PHF24: variants seen among roughly 807,000 people sequenced by gnomAD.
PHF24 encodes the protein PHD finger protein 24.
PHF24 carries 25 observed loss-of-function variants against 42.6 expected under a neutral mutation model. That is an observed-to-expected ratio of 0.59 (90% CI 0.43 to 0.82). PHF24 has a LOEUF of 0.82. PHF24 is among the 40% of genes least tolerant of loss of function. The pLI, the probability that PHF24 is intolerant of heterozygous loss-of-function variation, is 0.00. For synonymous variants in PHF24, 185 were observed against 204.8 expected (o/e 0.90, Z 0.83); for missense variants, 470 against 538.1 (o/e 0.87, Z 1.25).
chr9:34,922,695 G>T, the PHF24 span: 1 of 1,469,388 alleles, frequency 6.8e-7, no homozygotes, highest in Non-Finnish European at 9.4e-7. Flanking sequence ...GCCATCTGCT[G>T]TTTTTTTCTC....
the PHF24 span, among the ~76,000 whole-genome samples, chr9:34,686,268 C>G: frequency 6.6e-6 from 1 of 152,114 alleles, no homozygotes; most frequent in Non-Finnish European, 1.5e-5. Context: ...TCTGAGTTTC[C>G]CGTAGCCTAG....
At chr9:34,888,986 A>G in the PHF24 span, 55 of 397,868 alleles carry the variant, frequency 1.4e-4, no homozygotes, top group African/African-American at 8.8e-4. Flanking sequence ...TATACCACAT[A>G]AGAAGTACTT....
At chr9:34,764,330 G>C in the PHF24 span, among the ~76,000 whole-genome samples, 2 of 151,626 alleles carry the variant, frequency 1.3e-5, no homozygotes, top group Admixed American at 6.6e-5. Context: ...TCTGGTCCTG[G>C]ACTCTTTTTG....
At chr9:34,779,391 C>G in the PHF24 span, among the ~76,000 whole-genome samples, 1 of 152,120 alleles carries the variant, frequency 6.6e-6, no homozygotes, top group African/African-American at 2.4e-5. Flanking sequence ...TGTGTTTCTA[C>G]GTTGAGGATC....
intron 5 of PHF24, 109 bp downstream of exon 5, chr9:34,976,849 A>G: frequency 2.0e-6 from 2 of 1,024,708 alleles, no homozygotes; most frequent in South Asian, 3.1e-5. Context: ...AGGGACAAGT[A>G]TCAGGAATGG....
the PHF24 span, chr9:34,917,585 T>C: frequency 2.6e-6 from 2 of 775,376 alleles, no homozygotes; most frequent in South Asian, 2.7e-5. Flanking sequence ...GGAGCAGGAA[T>C]ATACCCTCAT....
chr9:34,851,002 G>T, the PHF24 span, among the ~76,000 whole-genome samples: 1 of 152,182 alleles, frequency 6.6e-6, no homozygotes, highest in African/African-American at 2.4e-5. Flanking sequence ...GTGTCAGTCT[G>T]CCCCTACTGG....
chr9:34,971,384 G>A (rs10972276), exon 2 of PHF24: 106 of 1,614,012 alleles, frequency 6.6e-5, no homozygotes, highest in Non-Finnish European at 7.6e-5. Flanking sequence ...GATGGGCTGC[G>A]GGACAGGCCT....
At chr9:34,859,245 A>G in the PHF24 span, among the ~76,000 whole-genome samples, 3 of 152,064 alleles carry the variant, frequency 2.0e-5, no homozygotes, top group Non-Finnish European at 2.9e-5. Context: ...GGCACTTGCT[A>G]CTTCTCTCCA....
chr9:34,971,674 C>T, exon 2 of PHF24: 1 of 1,605,748 alleles, frequency 6.2e-7, no homozygotes, highest in Non-Finnish European at 8.5e-7. Context: ...GCCCAGAGAG[C>T]CTGTGAGTAT....
chr9:34,767,821 G>A, the PHF24 span, among the ~76,000 whole-genome samples: 8 of 152,344 alleles, frequency 5.3e-5, no homozygotes, highest in Admixed American at 2.0e-4. Flanking sequence ...GCTGTAGACC[G>A]GAGCTGTTCC....
chr9:34,684,993 G>A, the PHF24 span, among the ~76,000 whole-genome samples: 2 of 152,132 alleles, frequency 1.3e-5, no homozygotes, highest in African/African-American at 4.8e-5. Flanking sequence ...TGTCCTTGCT[G>A]TTTTCCTCCA....
the PHF24 span, among the ~76,000 whole-genome samples, chr9:34,762,182 C>T: frequency 6.6e-6 from 1 of 152,000 alleles, no homozygotes; most frequent in African/African-American, 2.4e-5. Context: ...TTTATAGCAG[C>T]ATGATTTATA....
chr9:34,832,441 A>T, the PHF24 span: 1 of 1,439,936 alleles, frequency 6.9e-7, no homozygotes. Context: ...CCATCCAAGA[A>T]AGCTGGGCCC....
the PHF24 span, among the ~76,000 whole-genome samples, chr9:34,846,323 T>A: frequency 1.3e-5 from 2 of 152,170 alleles, no homozygotes; most frequent in South Asian, 4.2e-4. Flanking sequence ...TCATTGTGGT[T>A]TTGATTTGCA....
chr9:34,933,558 A>G, the PHF24 span, among the ~76,000 whole-genome samples: 3 of 151,778 alleles, frequency 2.0e-5, no homozygotes, highest in South Asian at 4.2e-4. Flanking sequence ...CCCTGTCTCT[A>G]CTAAAAATAC....
the PHF24 span, among the ~76,000 whole-genome samples, chr9:34,766,864 T>G: frequency 2.0e-4 from 31 of 152,232 alleles, no homozygotes; most frequent in Admixed American, 1.4e-3. Context: ...GATGGTGATG[T>G]ACAGATGGGT....
At chr9:34,920,524 C>A in the PHF24 span, among the ~76,000 whole-genome samples, 1 of 151,962 alleles carries the variant, frequency 6.6e-6, no homozygotes, top group Non-Finnish European at 1.5e-5. Context: ...ATTATTTTTT[C>A]TATTTCTTTA....
chr9:34,956,618 C>G (rs1011069358), upstream of PHF24, among the ~76,000 whole-genome samples: 1 of 152,192 alleles, frequency 6.6e-6, no homozygotes, highest in African/African-American at 2.4e-5. Flanking sequence ...GATGTTACAA[C>G]CTCCTTTTCC....
Sources: gnomAD v4.1 joint callset for allele counts (sites outside exome capture counted in the v4.1 genomes callset) on GRCh38, gnomAD v4.1.1 for gene constraint, MANE v1.5 for transcripts, NCBI Gene and HGNC (gene_info 2026-07-23, HGNC 2026-07-21) for gene names.